ABCC4: variants seen among roughly 807,000 people sequenced by gnomAD.
ABCC4 encodes ATP-binding cassette sub-family C member 4.
ABCC4 carries 102 observed loss-of-function variants against 168.5 expected under a neutral mutation model. The observed-to-expected ratio is 0.61, with a 90% CI of 0.52 to 0.71. The LOEUF (loss-of-function observed/expected upper bound fraction) is 0.71, where lower values mean the gene tolerates loss of function less well. Among genes scored for constraint, ABCC4 ranks in the 30% least tolerant of loss-of-function variants. ABCC4 has a pLI of 0.00. For missense variants in ABCC4, 1,402 were observed against 1,605.8 expected (o/e 0.87, Z 2.17); for synonymous variants, 617 against 590.7 (o/e 1.04, Z -0.65).
chr13:95,277,454 G>A (rs561448279), intron 1 of ABCC4, among the ~76,000 whole-genome samples: 37 of 151,970 alleles, frequency 2.4e-4, no homozygotes, highest in South Asian at 1.9e-3. Context: ...GGTGGCGGGC[G>A]CCTGTAATCT....
At chr13:95,156,691 T>C (rs1594197886) in intron 19 of ABCC4, among the ~76,000 whole-genome samples, 1 of 152,132 alleles carries the variant, frequency 6.6e-6, no homozygotes, top group African/African-American at 2.4e-5. Flanking sequence ...CAGCTGAAAA[T>C]GTAAGGCTTC....
At chr13:95,072,775 A>G (rs1187548438) in intron 24 of ABCC4, among the ~76,000 whole-genome samples, 1 of 152,212 alleles carries the variant, frequency 6.6e-6, no homozygotes, top group Admixed American at 6.5e-5. Flanking sequence ...TCTTCACATA[A>G]GAGAGTAAAC....
intron 20 of ABCC4, among the ~76,000 whole-genome samples, chr13:95,099,505 T>C (rs1269399683): frequency 6.6e-6 from 1 of 152,110 alleles, no homozygotes; most frequent in Non-Finnish European, 1.5e-5. Context: ...TAAAAATAGA[T>C]AGGGTAAAAA....
chr13:95,060,134 C>T (rs2033228675), intron 26 of ABCC4, among the ~76,000 whole-genome samples: 1 of 152,164 alleles, frequency 6.6e-6, no homozygotes, highest in Non-Finnish European at 1.5e-5. Flanking sequence ...CAACATTGAG[C>T]CTTGGAGACA....
At chr13:95,158,578 G>A (rs1020684367) in intron 19 of ABCC4, among the ~76,000 whole-genome samples, 1 of 152,064 alleles carries the variant, frequency 6.6e-6, no homozygotes, top group Non-Finnish European at 1.5e-5. Context: ...ACTCCCCCGG[G>A]GCTCTTCTAA....
chr13:95,103,160 G>T (rs531162943), intron 20 of ABCC4, among the ~76,000 whole-genome samples: 1 of 152,192 alleles, frequency 6.6e-6, no homozygotes, highest in South Asian at 2.1e-4. Flanking sequence ...AGCTACTTGG[G>T]AGGCTGAGGC....
chr13:95,218,995 GAA>G (rs1566540072), intron 4 of ABCC4, among the ~76,000 whole-genome samples: 2 of 49,758 alleles, frequency 4.0e-5, no homozygotes, highest in South Asian at 5.7e-4. Flanking sequence ...GAGTGAGAAA[GAA>G]AGAAAGAGTG....
chr13:95,096,994 T>C (rs1402353748), intron 20 of ABCC4, among the ~76,000 whole-genome samples: 1 of 152,186 alleles, frequency 6.6e-6, no homozygotes, highest in Non-Finnish European at 1.5e-5. Context: ...ATGGACCCAA[T>C]ATATCATGAA....
At chr13:95,096,603 T>C (rs1418653308) in intron 20 of ABCC4, among the ~76,000 whole-genome samples, 1 of 152,106 alleles carries the variant, frequency 6.6e-6, no homozygotes, top group African/African-American at 2.4e-5. Flanking sequence ...ATAATAATGA[T>C]GGTTTCTCAT....
At chr13:95,165,297 A>C (rs1178417292) in intron 15 of ABCC4, among the ~76,000 whole-genome samples, 1 of 152,188 alleles carries the variant, frequency 6.6e-6, no homozygotes, top group African/African-American at 2.4e-5. Flanking sequence ...AGAGTTTGGA[A>C]AGGAAGGGAT....
At chr13:95,220,591 T>C (rs2039286507) in intron 4 of ABCC4, among the ~76,000 whole-genome samples, 1 of 152,172 alleles carries the variant, frequency 6.6e-6, no homozygotes, top group Admixed American at 6.6e-5. Context: ...TTCACTAACA[T>C]ACATTTTTAC....
Position 95,301,402 on chromosome 13 carries a change from G to T in ABCC4, c.-88C>A, listed in dbSNP as rs1027755978. 1.1e-4 allele frequency: 134 copies of T among 1,208,112 alleles called. No individual in the cohort carries two copies. The highest frequency in any genetic ancestry group is 1.4e-4 in the Non-Finnish European group (127 of 888,068). The allele number at this position is 1,208,112 out of a possible 1,614,324, so 74.8% of individuals were successfully genotyped here. On this transcript the variant is annotated 5_prime_UTR_variant, in exon 1 of 31. Transcript: ENST00000645237. ...CCGCTCCTGGACCTCAAGCAGGGATGCTGGGGCTCCGGCCGCCACGCCTGT... is the reference window on the plus strand; with the variant it reads ...CCGCTCCTGGACCTCAAGCAGGGATTCTGGGGCTCCGGCCGCCACGCCTGT...
intron 1 of ABCC4, 55 bp downstream of exon 1, chr13:95,301,186 T>G: frequency 2.0e-6 from 3 of 1,504,880 alleles, no homozygotes; most frequent in African/African-American, 1.4e-5. Context: ...CCCGGGAGAG[T>G]GCGTCCGCGG....
intron 26 of ABCC4, among the ~76,000 whole-genome samples, chr13:95,059,790 C>T (rs576548927): frequency 6.6e-4 from 100 of 152,294 alleles, no homozygotes; most frequent in African/African-American, 2.2e-3. Context: ...TAAAGGCCTG[C>T]ACCCCAATCC....
In ABCC4 at chr13:95,234,703, G is replaced by A. The variant is rs985424247; in HGVS notation, c.438C>T (p.Leu146=). Residue 146 remains leucine, a synonymous_variant, in exon 4 of 31, where the codon CTC becomes CTT. Coordinates refer to ENST00000645237, the MANE Select transcript of ABCC4 (RefSeq NM_005845.5). ...ATAAGTGATGCAGTATAGCCAAAAT[G>A]AGCGTGCAAAAAGTCAGCACCGTGG... The part of the protein sequence containing the change: ...AYATVLTFCT[L]ILAILHHLYF... 4 of 1,614,012 alleles carry A rather than the reference G, an allele frequency of 2.5e-6. No individual in the cohort carries two copies. The highest frequency in any genetic ancestry group is 2.5e-6 in the Non-Finnish European group (3 of 1,180,014).
chr13:95,086,087 T>TTGTGTGTGTGTG (rs55973195), intron 20 of ABCC4, among the ~76,000 whole-genome samples: 43,204 of 141,776 alleles, frequency 0.3, 7,456 homozygotes, highest in South Asian at 0.48. Context: ...TTTAAGGTTA[T>TTGTGTGTGTGTG]TGTGTGTGTG....
chr13:95,030,456 G>GC (rs1441923839), intron 30 of ABCC4, among the ~76,000 whole-genome samples: 1 of 152,134 alleles, frequency 6.6e-6, no homozygotes, highest in Non-Finnish European at 1.5e-5. Flanking sequence ...TGTGTTATGG[G>GC]CTGATTTGCA....
intron 4 of ABCC4, among the ~76,000 whole-genome samples, chr13:95,216,557 TG>T (rs1241621462): frequency 7.0e-6 from 1 of 142,260 alleles, no homozygotes; most frequent in African/African-American, 2.7e-5. Context: ...GAATTATAAA[TG>T]CCTACCAATT....
At chr13:95,252,405 G>A (rs748867461) in intron 1 of ABCC4, among the ~76,000 whole-genome samples, 1 of 152,116 alleles carries the variant, frequency 6.6e-6, no homozygotes, top group Non-Finnish European at 1.5e-5. Context: ...GCCAGGTGTG[G>A]TGGCTCACAC....
Sources: allele counts gnomAD v4.1 joint callset (sites outside exome capture counted in the v4.1 genomes callset), GRCh38; gene constraint gnomAD v4.1.1; transcripts MANE v1.5; gene names NCBI Gene and HGNC (gene_info 2026-07-23, HGNC 2026-07-21).